FRMPD4: variants seen among roughly 807,000 people sequenced by gnomAD.
FRMPD4 encodes FERM and PDZ domain containing 4.
FRMPD4 carries 22 observed loss-of-function variants against 94.1 expected under a neutral mutation model. The observed-to-expected ratio is 0.23, with a 90% CI of 0.17 to 0.33. FRMPD4 has a LOEUF of 0.33. Among genes scored for constraint, FRMPD4 ranks in the 10% least tolerant of loss-of-function variants. The pLI, the probability that FRMPD4 is intolerant of heterozygous loss-of-function variation, is 1.00. For missense variants in FRMPD4, 1,111 were observed against 1,339.9 expected (o/e 0.83, Z 2.67); for synonymous variants, 631 against 548.6 (o/e 1.15, Z -2.10).
intron 1 of FRMPD4, among the ~76,000 whole-genome samples, chrX:12,352,404 A>C (rs562422247): frequency 8.9e-6 from 1 of 112,415 alleles, no homozygotes; most frequent in East Asian, 2.8e-4. Flanking sequence ...ACTGAATTCA[A>C]TTCAATCCAA....
intron 3 of FRMPD4, among the ~76,000 whole-genome samples, chrX:12,021,050 A>T (rs1184107542): frequency 8.9e-6 from 1 of 111,847 alleles, no homozygotes; most frequent in Non-Finnish European, 1.9e-5. Context: ...CTCATAGCTG[A>T]CTATAAGAGA....
At chrX:12,311,121 G>T (rs766327701) in intron 1 of FRMPD4, among the ~76,000 whole-genome samples, 4 of 111,349 alleles carry the variant, frequency 3.6e-5, no homozygotes, top group Admixed American at 2.9e-4. Context: ...GGGAAAGGGC[G>T]CAGAGGAAAG....
intron 1 of FRMPD4, 117 bp downstream of exon 1, chrX:12,139,129 C>T: frequency 3.7e-6 from 2 of 539,914 alleles, no homozygotes; most frequent in Non-Finnish European, 5.6e-6. Flanking sequence ...GGGCTTAAGA[C>T]AAACGAAGTG....
intron 1 of FRMPD4, among the ~76,000 whole-genome samples, chrX:12,302,018 G>T (rs1343361044): frequency 1.8e-5 from 2 of 112,062 alleles, no homozygotes; most frequent in Non-Finnish European, 3.8e-5. Context: ...CCTTATGGAA[G>T]AAACCAAAAT....
intron 4 of FRMPD4, among the ~76,000 whole-genome samples, chrX:12,663,703 A>G (rs750003993): frequency 8.9e-6 from 1 of 112,315 alleles, no homozygotes; most frequent in East Asian, 2.8e-4. Context: ...TTGGTTCCAT[A>G]TGAAATTTAA....
chrX:12,517,680 G>A (rs763660394), intron 2 of FRMPD4, among the ~76,000 whole-genome samples: 40 of 112,636 alleles, frequency 3.6e-4, no homozygotes, highest in Non-Finnish European at 4.7e-4. Flanking sequence ...CATCCAGTCA[G>A]GAGGCACAGG....
chrX:12,418,350 C>CTTTTTTTTTTTTTTTTTTTTTT (rs540740432), intron 1 of FRMPD4, among the ~76,000 whole-genome samples: 2 of 81,077 alleles, frequency 2.5e-5, no homozygotes, highest in Non-Finnish European at 2.3e-5. Context: ...GTGTTTCTTT[C>CTTTTTTTTTTTTTTTTTTTTTT]TTTTTTTTTT....
intron 1 of FRMPD4, among the ~76,000 whole-genome samples, chrX:12,286,981 C>A (rs1041032040): frequency 1.8e-5 from 2 of 112,092 alleles, no homozygotes; most frequent in African/African-American, 6.5e-5. Flanking sequence ...GTCAAGAACT[C>A]TTGGGAGAAT....
At chrX:12,271,020 A>G (rs1049848159) in intron 1 of FRMPD4, among the ~76,000 whole-genome samples, 1 of 112,177 alleles carries the variant, frequency 8.9e-6, no homozygotes, top group Non-Finnish European at 1.9e-5. Context: ...CCTGCTTCAA[A>G]TAGTAGTATC....
At chrX:12,391,539 T>C (rs2056474872) in intron 1 of FRMPD4, among the ~76,000 whole-genome samples, 1 of 111,805 alleles carries the variant, frequency 8.9e-6, no homozygotes, top group Non-Finnish European at 1.9e-5. Flanking sequence ...GGAGAGCCTT[T>C]AGAAGTCATT....
intron 1 of FRMPD4, among the ~76,000 whole-genome samples, chrX:12,293,543 A>T (rs1011352352): frequency 1.1e-4 from 12 of 112,776 alleles, no homozygotes; most frequent in Non-Finnish European, 2.1e-4. Context: ...TAATAAATTA[A>T]GATTGACTTG....
At chrX:11,849,361 A>G (rs959210543) in intron 1 of FRMPD4, among the ~76,000 whole-genome samples, 2 of 111,956 alleles carry the variant, frequency 1.8e-5, no homozygotes, top group East Asian at 2.8e-4. Context: ...CTATATCCAG[A>G]TTTAATCCAA....
At chrX:12,713,088 G>A (rs200146777) in intron 14 of FRMPD4, among the ~76,000 whole-genome samples, 38 of 97,601 alleles carry the variant, frequency 3.9e-4, no homozygotes, top group Non-Finnish European at 4.0e-4. Context: ...GTGTCTAAAA[G>A]AAAAAAAAAA....
At chrX:11,892,171 G>A (rs1336755560) in intron 3 of FRMPD4, among the ~76,000 whole-genome samples, 1 of 111,991 alleles carries the variant, frequency 8.9e-6, no homozygotes, top group African/African-American at 3.2e-5. Context: ...AAATGACGCT[G>A]CATTTTTATT....
At chrX:12,201,189 T>C (rs1332782038) in intron 1 of FRMPD4, among the ~76,000 whole-genome samples, 3 of 112,513 alleles carry the variant, frequency 2.7e-5, no homozygotes, top group African/African-American at 9.7e-5. Flanking sequence ...CAAGTTGTTT[T>C]CTATGGATGG....
At chrX:12,685,882 T>TA (rs1023053115) in intron 6 of FRMPD4, among the ~76,000 whole-genome samples, 13 of 112,076 alleles carry the variant, frequency 1.2e-4, no homozygotes, top group East Asian at 2.8e-4. Flanking sequence ...AATCTTGAGT[T>TA]AAAAAAACCT....
chrX:12,316,442 C>T (rs5979586), intron 1 of FRMPD4, among the ~76,000 whole-genome samples: 24 of 111,570 alleles, frequency 2.2e-4, no homozygotes, highest in Admixed American at 7.6e-4. Flanking sequence ...CGTGAGCTGC[C>T]GTGCCCAGCC....
intron 2 of FRMPD4, among the ~76,000 whole-genome samples, chrX:12,594,516 A>C (rs1016998262): frequency 2.5e-4 from 28 of 109,843 alleles, no homozygotes; most frequent in African/African-American, 9.3e-4. Context: ...GCTCACTGCA[A>C]CCTCCGCCTC....
At chrX:12,702,268 A>G (rs2041799974) in intron 10 of FRMPD4, among the ~76,000 whole-genome samples, 1 of 112,562 alleles carries the variant, frequency 8.9e-6, no homozygotes, top group African/African-American at 3.2e-5. Flanking sequence ...GCTTGATTCC[A>G]AGCCAAGCTT....
Sources: gnomAD v4.1 joint callset for allele counts (sites outside exome capture counted in the v4.1 genomes callset) on GRCh38, gnomAD v4.1.1 for gene constraint, MANE v1.5 for transcripts, NCBI Gene and HGNC (gene_info 2026-07-23, HGNC 2026-07-21) for gene names.